CAST: variants seen among roughly 807,000 people sequenced by gnomAD.
CAST encodes calpastatin, also known as MIR583 host.
CAST carries 76 observed loss-of-function variants against 119.6 expected under a neutral mutation model. The observed-to-expected ratio is 0.64, with a 90% CI of 0.53 to 0.77. The LOEUF (loss-of-function observed/expected upper bound fraction) is 0.77. CAST is among the 30% of genes least tolerant of loss of function. The pLI is 0.00. For synonymous variants in CAST, 319 were observed against 331.6 expected, an observed-to-expected ratio of 0.96 and a Z score of 0.41; for missense variants, 953 against 946.5, an observed-to-expected ratio of 1.01 and a Z score of -0.09.
the CAST span, among the ~76,000 whole-genome samples, chr5:96,198,683 A>G: frequency 6.6e-6 from 1 of 152,132 alleles, no homozygotes; most frequent in Non-Finnish European, 1.5e-5. Flanking sequence ...CCTTTTTCAT[A>G]CACAAACTAA....
At chr5:96,281,534 T>C in the CAST span, among the ~76,000 whole-genome samples, 47,191 of 152,018 alleles carry the variant, frequency 0.31, 7,644 homozygotes, top group Admixed American at 0.41. Context: ...AGGGTCTAGT[T>C]GTAAGCAATT....
chr5:96,249,537 A>C, the CAST span, among the ~76,000 whole-genome samples: 2 of 152,222 alleles, frequency 1.3e-5, no homozygotes, highest in African/African-American at 4.8e-5. Flanking sequence ...TATAACGACC[A>C]CTTAGGTTGT....
the CAST span, among the ~76,000 whole-genome samples, chr5:96,337,115 T>C: frequency 6.6e-6 from 1 of 152,132 alleles, no homozygotes; most frequent in Non-Finnish European, 1.5e-5. Flanking sequence ...CCTGATATCA[T>C]AGAACCCTGA....
At chr5:96,010,202 T>A in the CAST span, among the ~76,000 whole-genome samples, 1 of 152,224 alleles carries the variant, frequency 6.6e-6, no homozygotes, top group African/African-American at 2.4e-5. Flanking sequence ...TGTAGTCTTA[T>A]AGTATAGCTT....
chr5:96,548,753 G>C (rs1028008109), intron 1 of CAST, among the ~76,000 whole-genome samples: 6 of 152,196 alleles, frequency 3.9e-5, no homozygotes, highest in Middle Eastern at 3.2e-3. Flanking sequence ...CTTCTGGGTA[G>C]AGCTGCCAGA....
At chr5:96,283,019 A>G in the CAST span, among the ~76,000 whole-genome samples, 1 of 149,550 alleles carries the variant, frequency 6.7e-6, no homozygotes, top group Admixed American at 6.7e-5. Context: ...AGTCCCAGCT[A>G]CTCGGGAGGC....
the CAST span, among the ~76,000 whole-genome samples, chr5:96,368,432 G>A: frequency 6.6e-6 from 1 of 151,668 alleles, no homozygotes; most frequent in Non-Finnish European, 1.5e-5. Flanking sequence ...CCCAGGAGTT[G>A]GAGGTTGCAG....
chr5:96,461,471 A>T, the CAST span, among the ~76,000 whole-genome samples: 1 of 152,090 alleles, frequency 6.6e-6, no homozygotes, highest in African/African-American at 2.4e-5. Flanking sequence ...TTTCATTCGC[A>T]TCAGGAAGGT....
chr5:96,742,693 T>C lies in CAST; in HGVS notation c.1137T>C (p.Ala379=), dbSNP rs1297850558. 4 of 1,614,098 alleles carry C rather than the reference T, an allele frequency of 2.5e-6. No individual in the cohort carries two copies. The highest frequency in any genetic ancestry group is 3.4e-6 in the Non-Finnish European group (4 of 1,179,958). ...ATCAAGCACTCGAGGCTCTGTCGGC[T>C]TCACTGGGCACCCGGCAAGCAGAAC... The part of the protein sequence containing the change: ...MSDQALEALS[A]SLGTRQAEPE... Residue 379 remains alanine, a synonymous_variant, in exon 16 of 32, where the codon GCT becomes GCC. Transcript: ENST00000675179.
the CAST span, among the ~76,000 whole-genome samples, chr5:96,164,926 G>C: frequency 1.2e-4 from 19 of 152,270 alleles, no homozygotes; most frequent in South Asian, 3.9e-3. Context: ...GGAAAGGTGA[G>C]GGAAGGAGAA....
the CAST span, among the ~76,000 whole-genome samples, chr5:96,236,130 T>G: frequency 7.0e-6 from 1 of 142,462 alleles, no homozygotes; most frequent in Admixed American, 7.0e-5. Flanking sequence ...TCTATCTCTC[T>G]ATCTATCTAT....
At chr5:95,986,772 C>T in the CAST span, among the ~76,000 whole-genome samples, 4 of 152,194 alleles carry the variant, frequency 2.6e-5, no homozygotes, top group Non-Finnish European at 5.9e-5. Flanking sequence ...TCTGAGCTCA[C>T]CTAGAAGCTG....
intron 1 of CAST, among the ~76,000 whole-genome samples, chr5:96,601,919 T>G (rs926251507): frequency 4.6e-5 from 7 of 152,210 alleles, no homozygotes; most frequent in African/African-American, 1.4e-4. Context: ...ACCTAGTGTC[T>G]TAACTAAAAA....
the CAST span, among the ~76,000 whole-genome samples, chr5:96,003,721 T>C: frequency 1.3e-5 from 2 of 152,208 alleles, no homozygotes; most frequent in African/African-American, 4.8e-5. Flanking sequence ...ATTAAAATAG[T>C]TTTTTCAATG....
chr5:96,648,532 T>C (rs1478733650), intron 1 of CAST, among the ~76,000 whole-genome samples: 1 of 152,168 alleles, frequency 6.6e-6, no homozygotes, highest in African/African-American at 2.4e-5. Flanking sequence ...TATATCTGTA[T>C]ATTTAAGTTT....
the CAST span, among the ~76,000 whole-genome samples, chr5:96,352,270 C>T: frequency 7.9e-5 from 12 of 152,108 alleles, no homozygotes; most frequent in South Asian, 4.1e-4. Context: ...GATGGGAAAA[C>T]GTCTGGTGAG....
chr5:96,628,809 C>T (rs1030470772), intron 1 of CAST, among the ~76,000 whole-genome samples: 3 of 151,932 alleles, frequency 2.0e-5, no homozygotes, highest in East Asian at 3.9e-4. Context: ...ACGATTAGCA[C>T]ATAATCAACG....
chr5:96,761,007 A>G (rs903035308), intron 24 of CAST: 2 of 152,158 alleles, frequency 1.3e-5, no homozygotes, highest in Non-Finnish European at 2.9e-5. Context: ...GGAAAATACA[A>G]TAATGTTGAG....
intron 4 of CAST, among the ~76,000 whole-genome samples, chr5:96,723,180 G>T (rs533744253): frequency 2.6e-4 from 40 of 152,184 alleles, no homozygotes; most frequent in Non-Finnish European, 5.1e-4. Flanking sequence ...GCCCAAGCTG[G>T]TCTCAAATTC....
Sources: allele counts gnomAD v4.1 joint callset (sites outside exome capture counted in the v4.1 genomes callset), GRCh38; gene constraint gnomAD v4.1.1; transcripts MANE v1.5; gene names NCBI Gene and HGNC (gene_info 2026-07-23, HGNC 2026-07-21).